TRDMT1: variants seen among roughly 807,000 people sequenced by gnomAD.
TRDMT1 encodes the protein tRNA aspartic acid methyltransferase 1.
In TRDMT1, 49 loss-of-function variants were observed where a neutral mutation model predicts 51.2. That is an observed-to-expected ratio of 0.96 (90% CI 0.76 to 1.21). The LOEUF (loss-of-function observed/expected upper bound fraction) is 1.21. TRDMT1 is among the 50% of genes most tolerant of loss of function. TRDMT1 has a pLI of 0.00. For missense variants in TRDMT1, 534 were observed against 462.3 expected, an observed-to-expected ratio of 1.16 and a Z score of -1.42; for synonymous variants, 187 against 164.6, an observed-to-expected ratio of 1.14 and a Z score of -1.04.
At position 17,137,994 on chromosome 10, in the gene TRDMT1, C is replaced by A. The variant is rs1837470656; in HGVS notation, c.*11046G>T. Reference sequence around the variant, plus strand: ...GGGGGATGTTCTTTTATCTTGAGTGCAATAATCCTTATGTGATATTTCTGC... The same window carrying A: ...GGGGGATGTTCTTTTATCTTGAGTGAAATAATCCTTATGTGATATTTCTGC... On this transcript the variant is annotated 3_prime_UTR_variant, in exon 11 of 11. Transcript: ENST00000377799. Among the ~76,000 whole-genome samples the A allele has an allele frequency of 6.6e-6, 1 of 152,062 alleles. No individual in the cohort carries two copies. Among genetic ancestry groups the A allele is most frequent in the African/African-American group, 2.4e-5 (1 of 41,386 alleles).
rs1837472996 is a variant in TRDMT1, at chr10:17,138,068, A to T, written c.*10972T>A. ...GGACTGGATCAATGTGGGAGTCATA[A>T]AAATGAGGAGAGGGTTGAGATGCAG... On this transcript the variant is annotated 3_prime_UTR_variant, in exon 11 of 11. Transcript: ENST00000377799. Among the ~76,000 whole-genome samples, 1 of 152,314 alleles carries T rather than the reference A, an allele frequency of 6.6e-6. No homozygotes were observed. The highest frequency in any genetic ancestry group is 2.1e-4 in the South Asian group (1 of 4,816).
Position 17,145,018 on chromosome 10 carries a change from G to A in TRDMT1, c.*4022C>T. On this transcript the variant is annotated 3_prime_UTR_variant, in exon 11 of 11. Transcript: ENST00000377799. Reference sequence around the variant, plus strand: ...AAACCCAGCACTTAGGGAAGCCAAGGTGGGTGGATTAACTTGAGGTCAGGT... The same window carrying A: ...AAACCCAGCACTTAGGGAAGCCAAGATGGGTGGATTAACTTGAGGTCAGGT... The A allele has an allele frequency of 1.0e-6, 1 of 972,280 alleles. No homozygotes were observed. The highest frequency in any genetic ancestry group is 1.2e-6 in the Non-Finnish European group (1 of 818,068). 60.2% of individuals were successfully genotyped at this position (972,280 alleles called of 1,614,324 possible).
At chr10:17,175,179 T>A (rs190359747) in intron 1 of TRDMT1, among the ~76,000 whole-genome samples, 1 of 152,134 alleles carries the variant, frequency 6.6e-6, no homozygotes. Context: ...TTCACCCAAT[T>A]AGAGCTTACA....
At chr10:17,169,189 T>C in intron 2 of TRDMT1, 1 of 561,248 alleles carries the variant, frequency 1.8e-6, no homozygotes. Flanking sequence ...CCTAAGCACA[T>C]CTGGCCTGTA....
intron 2 of TRDMT1, among the ~76,000 whole-genome samples, chr10:17,170,778 T>C (rs1040369398): frequency 3.9e-5 from 6 of 152,156 alleles, no homozygotes; most frequent in African/African-American, 1.2e-4. Context: ...CTTGTGTTGT[T>C]ACTAAAAATA....
chr10:17,194,179 CG>C (rs1490481885), intron 1 of TRDMT1, among the ~76,000 whole-genome samples: 1 of 152,076 alleles, frequency 6.6e-6, no homozygotes, highest in East Asian at 1.9e-4. Context: ...AAGACTTGAA[CG>C]TAAGACCTCA....
intron 2 of TRDMT1, among the ~76,000 whole-genome samples, chr10:17,172,874 T>C (rs1842202234): frequency 6.6e-6 from 1 of 152,140 alleles, no homozygotes; most frequent in Non-Finnish European, 1.5e-5. Flanking sequence ...AGGAATACTG[T>C]TAAAATTTAA....
At chr10:17,201,285 T>G (rs890171906) in intron 1 of TRDMT1, 138 of 376,230 alleles carry the variant, frequency 3.7e-4, no homozygotes, top group East Asian at 9.0e-4. Flanking sequence ...TGATACCCTT[T>G]GAGGTTGATT....
At chr10:17,174,524 C>T (rs1395281773) in intron 2 of TRDMT1, 27 bp downstream of exon 2, 1 of 1,494,146 alleles carries the variant, frequency 6.7e-7, no homozygotes, top group Admixed American at 1.7e-5. Flanking sequence ...TTGCTACATA[C>T]TTATTAAAAC....
chr10:17,161,353 A>G (rs1003755208), intron 5 of TRDMT1, 130 bp downstream of exon 5: 4 of 589,080 alleles, frequency 6.8e-6, no homozygotes, highest in East Asian at 4.7e-5. Context: ...ATCAATACTG[A>G]TGAGTAAGAC....
rs536214079 is a variant in TRDMT1, at chr10:17,144,476, T to G, written c.*4564A>C. On this transcript the variant is annotated 3_prime_UTR_variant, in exon 11 of 11. Coordinates refer to ENST00000377799, the MANE Select transcript of TRDMT1 (RefSeq NM_004412.7). ...TCTCATATTTATAGGAAAAATGAGATTTTGGAAGCTTTAGGAGTCAAGTGT... is the reference window on the plus strand; with the variant it reads ...TCTCATATTTATAGGAAAAATGAGAGTTTGGAAGCTTTAGGAGTCAAGTGT... 49 of 985,666 alleles carry G rather than the reference T, an allele frequency of 5.0e-5. No homozygotes were observed. The African/African-American group carries it at 8.2e-4, about 17-fold the overall frequency. The allele number at this position is 985,666 out of a possible 1,614,324, so 61.1% of individuals were successfully genotyped here. A position where few individuals can be genotyped will look rare whatever the true frequency, so the allele number is the denominator to read the frequency against.
chr10:17,185,497 T>C (rs545208613), intron 1 of TRDMT1, among the ~76,000 whole-genome samples: 1 of 152,348 alleles, frequency 6.6e-6, no homozygotes, highest in East Asian at 1.9e-4. Flanking sequence ...TCAACCATTG[T>C]GGGAGTTGGT....
At chr10:17,158,635 G>C (rs532742032) in intron 7 of TRDMT1, among the ~76,000 whole-genome samples, 3 of 152,224 alleles carry the variant, frequency 2.0e-5, no homozygotes, top group African/African-American at 7.2e-5. Context: ...CATAATTAGA[G>C]ATTCTTTCTG....
At chr10:17,179,374 G>A (rs1418263557) in intron 1 of TRDMT1, among the ~76,000 whole-genome samples, 1 of 152,054 alleles carries the variant, frequency 6.6e-6, no homozygotes, top group African/African-American at 2.4e-5. Context: ...CCTTAGTCCT[G>A]AGGATGCAGG....
chr10:17,169,053 G>C (rs186468723), intron 2 of TRDMT1, 136 bp from the exon 3 acceptor site: 38 of 659,286 alleles, frequency 5.8e-5, no homozygotes, highest in Non-Finnish European at 9.1e-5. Flanking sequence ...AATCAACTTT[G>C]GTTAACTAAC....
chr10:17,152,689 G>A (rs918721762), intron 10 of TRDMT1, among the ~76,000 whole-genome samples: 1 of 152,156 alleles, frequency 6.6e-6, no homozygotes, highest in Non-Finnish European at 1.5e-5. Context: ...CCTCAGAGCT[G>A]AGAGCACTGG....
intron 9 of TRDMT1, 94 bp from the exon 10 acceptor site, chr10:17,153,730 G>C: frequency 1.5e-6 from 2 of 1,337,144 alleles, no homozygotes. Flanking sequence ...TGGACATACA[G>C]TCTGCTGTAA....
intron 8 of TRDMT1, 51 bp downstream of exon 8, chr10:17,157,390 T>C (rs1157848510): frequency 6.9e-7 from 1 of 1,455,620 alleles, no homozygotes; most frequent in Non-Finnish European, 9.2e-7. Context: ...ACAATAGCTT[T>C]AAAAAACCTG....
intron 1 of TRDMT1, among the ~76,000 whole-genome samples, chr10:17,198,033 T>TC (rs1554771724): frequency 8.0e-6 from 1 of 124,808 alleles, no homozygotes; most frequent in African/African-American, 3.1e-5. Context: ...AAACTCCATC[T>TC]CAAAAAAAAA....
Sources: gnomAD v4.1 joint callset for allele counts (sites outside exome capture counted in the v4.1 genomes callset) on GRCh38, gnomAD v4.1.1 for gene constraint, MANE v1.5 for transcripts, NCBI Gene and HGNC (gene_info 2026-07-23, HGNC 2026-07-21) for gene names.